Variants in SHOC1 observed in about 807,000 individuals in gnomAD.
SHOC1 encodes shortage in chiasmata 1.
Under a neutral mutation model 179.2 loss-of-function variants are expected in SHOC1, and 136 were observed. That is an observed-to-expected ratio of 0.76 (90% CI 0.66 to 0.87). The LOEUF is 0.87. SHOC1 is among the 40% of genes least tolerant of loss of function. The probability of loss-of-function intolerance (pLI) is 0.00; values close to 1 mark genes in which losing one functional copy is unlikely to be tolerated. For missense variants in SHOC1, 1,538 were observed against 1,700.8 expected (o/e 0.90, Z 1.68); for synonymous variants, 489 against 586.6 (o/e 0.83, Z 2.41).
intron 2 of SHOC1, among the ~76,000 whole-genome samples, chr9:111,789,448 A>G (rs116967330): frequency 0.019 from 2,929 of 152,306 alleles, 58 homozygotes; most frequent in Non-Finnish European, 0.033. Flanking sequence ...TTGATCATGA[A>G]AAAGATATTT....
intron 23 of SHOC1, 52 bp downstream of exon 23, chr9:111,702,053 C>CT: frequency 7.5e-7 from 1 of 1,328,252 alleles, no homozygotes; most frequent in Non-Finnish European, 1.0e-6. Context: ...AATAAGAGGA[C>CT]TTAGGATTAA....
intron 5 of SHOC1, 52 bp from the exon 6 acceptor site, chr9:111,758,900 CAA>C: frequency 2.7e-6 from 3 of 1,102,830 alleles, no homozygotes; most frequent in Non-Finnish European, 3.9e-6. Flanking sequence ...AAAAGTTATC[CAA>C]AGAGATCTAG....
intron 24 of SHOC1, among the ~76,000 whole-genome samples, chr9:111,694,680 T>C (rs959220541): frequency 6.6e-6 from 1 of 152,132 alleles, no homozygotes; most frequent in Non-Finnish European, 1.5e-5. Context: ...GCAATTTGAA[T>C]ATCACTAGTA....
chr9:111,783,237 T>C (rs1029571731), intron 3 of SHOC1, among the ~76,000 whole-genome samples: 2 of 152,202 alleles, frequency 1.3e-5, no homozygotes, highest in Non-Finnish European at 2.9e-5. Flanking sequence ...AATATTCAAA[T>C]TCACTCTCTC....
intron 24 of SHOC1, among the ~76,000 whole-genome samples, chr9:111,695,384 A>G (rs753805655): frequency 1.6e-4 from 25 of 152,286 alleles, no homozygotes; most frequent in Admixed American, 6.5e-4. Context: ...ATTACATTAT[A>G]TAGGGAGAAT....
intron 26 of SHOC1, among the ~76,000 whole-genome samples, chr9:111,692,971 A>G (rs1395668826): frequency 6.6e-6 from 1 of 152,210 alleles, no homozygotes; most frequent in Non-Finnish European, 1.5e-5. Flanking sequence ...AATGATTTAA[A>G]GCTGACTATA....
chr9:111,702,258 A>G (rs766765372), intron 22 of SHOC1, 32 bp from the exon 23 acceptor site: 7 of 1,273,266 alleles, frequency 5.5e-6, no homozygotes, highest in East Asian at 4.7e-5. Flanking sequence ...GTAAAAATTC[A>G]TTAGGTTGAA....
At chr9:111,704,099 T>C (rs1351613511) in intron 21 of SHOC1, 107 bp from the exon 22 acceptor site, 4 of 560,896 alleles carry the variant, frequency 7.1e-6, no homozygotes, top group Non-Finnish European at 1.2e-5. Flanking sequence ...TTCTATGCTT[T>C]TTCTTTTACA....
chr9:111,727,818 A>T lies in SHOC1; in HGVS notation c.1649T>A (p.Phe550Tyr), dbSNP rs372079924. The T allele has an allele frequency of 2.1e-5, 34 of 1,611,768 alleles. No homozygotes were observed. Among genetic ancestry groups the T allele is most frequent in the Non-Finnish European group, 2.8e-5 (33 of 1,179,330 alleles). ...AGATGGTCCTGTGCAGTCAAGTTCAAAGTGATCGTTATTTTCTTTCTTTTG... is the reference window on the plus strand; with the variant it reads ...AGATGGTCCTGTGCAGTCAAGTTCATAGTGATCGTTATTTTCTTTCTTTTG... ...IIQKKENNDH[F>Y]ELDCTGPSIK... is the part of the protein sequence containing the mutation. Residue 550 changes from phenylalanine (F) to tyrosine (Y), a missense_variant, in exon 13 of 28, where the codon TTT (phenylalanine) becomes TAT (tyrosine). Transcript: ENST00000682961.
In SHOC1 at chr9:111,741,525, C is replaced by T. The variant is rs761742959; in HGVS notation, c.1125G>A (p.Met375Ile). ...GGCTTCTACATCTTTCTAATTGCCA[C>T]ATCATGTAGTATTCATTAGCTGATT... ...AEESANEYYM[M>I]WQLERCRSPL... The change falls in exon 11 of 28, where the codon ATG becomes ATA. Residue 375 changes from methionine (M) to isoleucine (I), a missense_variant. Physicochemically the swap from Met to Ile is conservative, Grantham distance 10. Transcript: ENST00000682961. 3.1e-6 allele frequency: 5 copies of T among 1,612,418 alleles called. No individual in the cohort carries two copies. In the South Asian group the frequency reaches 5.5e-5, roughly 18 times the overall value.
In SHOC1 at chr9:111,702,242, G is replaced by A; in HGVS notation, c.2968-16C>T. The A allele has an allele frequency of 7.3e-7, 1 of 1,370,286 alleles. No homozygotes were observed. Among genetic ancestry groups the A allele is most frequent in the East Asian group, 2.3e-5 (1 of 42,920 alleles). The allele number at this position is 1,370,286 out of a possible 1,614,324, so 84.9% of individuals were successfully genotyped here. A position where few individuals can be genotyped will look rare whatever the true frequency, so the allele number is the denominator to read the frequency against. ...CTTCTAGATCCTATCAGAAAATAAA[G>A]AAAATGTAAAAATTCATTAGGTTGA... On this transcript the variant is annotated splice_polypyrimidine_tract_variant and intron_variant, in intron 22 of 27. Transcript: ENST00000682961.
In SHOC1 at chr9:111,738,436, T is replaced by A. The variant is rs1293034652; in HGVS notation, c.1261A>T (p.Asn421Tyr). The change falls in exon 12 of 28, where the codon AAT (asparagine) becomes TAT (tyrosine). Residue 421 changes from asparagine to tyrosine, a missense_variant. Coordinates refer to ENST00000682961, the MANE Select transcript of SHOC1 (RefSeq NM_001378211.1). The part of the protein sequence containing the change: ...FSVKEESLVI[N>Y]LEKAEWWKQA... ...TTCCACCACTCTGCCTTTTCCAGAT[T>A]AATCACAAGGCTTTCTTCTTTAACA... The A allele has an allele frequency of 1.2e-6, 2 of 1,611,620 alleles. No individual in the cohort carries two copies. Among genetic ancestry groups the A allele is most frequent in the Non-Finnish European group, 1.7e-6 (2 of 1,179,210 alleles).
In SHOC1 at chr9:111,728,016, A is replaced by G; in HGVS notation, c.1451T>C (p.Ile484Thr). 6.2e-7 allele frequency: 1 copy of G among 1,603,452 alleles called. No individual in the cohort carries two copies. The highest frequency in any genetic ancestry group is 8.5e-7 in the Non-Finnish European group (1 of 1,176,668). The change falls in exon 13 of 28, where the codon ATT becomes ACT. Residue 484 changes from isoleucine to threonine, a missense_variant. Coordinates refer to ENST00000682961, the MANE Select transcript of SHOC1 (RefSeq NM_001378211.1). ...CLEHKSHSSP[I>T]ALIDEKSTNA... is the part of the protein sequence containing the mutation. The stretch of plus-strand genomic sequence containing the variant: ...TGTAGATTTTTCATCAATAAGTGCA[A>G]TAGGTGAAGAATGACTTTTATGTTC...
chr9:111,698,205 C>G (rs1166330104), intron 24 of SHOC1, among the ~76,000 whole-genome samples: 1 of 152,166 alleles, frequency 6.6e-6, no homozygotes, highest in African/African-American at 2.4e-5. Flanking sequence ...AATTAGATCC[C>G]ATTTGTCAAT....
intron 5 of SHOC1, among the ~76,000 whole-genome samples, chr9:111,765,161 T>C (rs62572575): frequency 0.076 from 11,497 of 150,504 alleles, 626 homozygotes; most frequent in South Asian, 0.21. Flanking sequence ...AAAAGTGTTA[T>C]ACAACCATTT....
intron 11 of SHOC1, among the ~76,000 whole-genome samples, chr9:111,739,881 G>A (rs575213588): frequency 1.4e-5 from 2 of 138,888 alleles, no homozygotes; most frequent in African/African-American, 2.6e-5. Flanking sequence ...TTTGAAGCAC[G>A]AGTTGAAGTA....
chr9:111,784,401 G>A (rs1170839409), intron 3 of SHOC1, among the ~76,000 whole-genome samples: 3 of 152,124 alleles, frequency 2.0e-5, no homozygotes, highest in Non-Finnish European at 4.4e-5. Flanking sequence ...TAGATTTTAA[G>A]TACATCTCAC....
intron 2 of SHOC1, among the ~76,000 whole-genome samples, chr9:111,787,568 C>T (rs1836305376): frequency 1.3e-5 from 2 of 152,166 alleles, no homozygotes; most frequent in Non-Finnish European, 2.9e-5. Flanking sequence ...CATGATAAAA[C>T]TTGAACAGAT....
chr9:111,789,570 C>A (rs1252498400), intron 2 of SHOC1, among the ~76,000 whole-genome samples: 1 of 152,124 alleles, frequency 6.6e-6, no homozygotes, highest in Non-Finnish European at 1.5e-5. Context: ...TCTTGTCTGT[C>A]AACTGATCTA....
Sources: allele counts gnomAD v4.1 joint callset (sites outside exome capture counted in the v4.1 genomes callset), GRCh38; gene constraint gnomAD v4.1.1; transcripts MANE v1.5; gene names NCBI Gene and HGNC (gene_info 2026-07-23, HGNC 2026-07-21).